The following WDR41 variants were observed in gnomAD, a reference collection of about 807,000 sequenced individuals.
WDR41 encodes WD repeat domain 41.
Under a neutral mutation model 69.3 loss-of-function variants are expected in WDR41, and 63 were observed. The observed-to-expected ratio is 0.91, with a 90% CI of 0.74 to 1.12. The LOEUF is 1.12. Ranked by LOEUF, WDR41 falls within the 50% of genes most tolerant of loss-of-function variation. The probability of loss-of-function intolerance (pLI) is 0.00; values close to 1 mark genes in which losing one functional copy is unlikely to be tolerated. For missense variants in WDR41, 543 were observed against 534.5 expected (o/e 1.02, Z -0.16); for synonymous variants, 185 against 192.1 (o/e 0.96, Z 0.31).
intron 1 of WDR41, chr5:77,582,515 G>A (rs1743958018): frequency 4.4e-6 from 7 of 1,599,084 alleles, no homozygotes; most frequent in African/African-American, 1.3e-5. Flanking sequence ...AAGGCAAGGA[G>A]GAAGCTTATC....
intron 1 of WDR41, among the ~76,000 whole-genome samples, chr5:77,528,691 A>T (rs1802483226): frequency 6.6e-6 from 1 of 151,766 alleles, no homozygotes; most frequent in African/African-American, 2.4e-5. Context: ...AATATGAGCA[A>T]GGCATGTTTA....
chr5:77,484,596 G>A (rs1243003549), intron 2 of WDR41, among the ~76,000 whole-genome samples: 1 of 152,112 alleles, frequency 6.6e-6, no homozygotes, highest in Non-Finnish European at 1.5e-5. Context: ...CCAGGCATAA[G>A]TACGTTAATA....
intron 2 of WDR41, among the ~76,000 whole-genome samples, chr5:77,469,919 T>C (rs1800496685): frequency 6.6e-6 from 1 of 151,782 alleles, no homozygotes; most frequent in Non-Finnish European, 1.5e-5. Context: ...ATTCAGGAAA[T>C]ACAGAGAACG....
intron 12 of WDR41, among the ~76,000 whole-genome samples, 164 bp from the exon 13 acceptor site, chr5:77,433,451 A>T (rs140688361): frequency 8.3e-4 from 126 of 152,324 alleles, no homozygotes; most frequent in African/African-American, 2.9e-3. Flanking sequence ...CATACAAATA[A>T]TATCTAATAT....
At chr5:77,541,420 C>T (rs1162439194) in intron 1 of WDR41, among the ~76,000 whole-genome samples, 4 of 150,422 alleles carry the variant, frequency 2.7e-5, no homozygotes, top group African/African-American at 9.8e-5. Flanking sequence ...TCATGTCAGT[C>T]ATAATGGCTA....
chr5:77,577,276 A>T (rs1469776908), intron 1 of WDR41, among the ~76,000 whole-genome samples: 1 of 152,078 alleles, frequency 6.6e-6, no homozygotes, highest in Non-Finnish European at 1.5e-5. Context: ...AAGATTTCCT[A>T]CAAAACAATA....
At chr5:77,527,287 A>G (rs1802463162) in intron 1 of WDR41, among the ~76,000 whole-genome samples, 1 of 151,978 alleles carries the variant, frequency 6.6e-6, no homozygotes, top group Non-Finnish European at 1.5e-5. Flanking sequence ...ATTAAAAGTG[A>G]AAGGAAAGAA....
At chr5:77,578,237 A>G (rs142093584) in intron 1 of WDR41, among the ~76,000 whole-genome samples, 101 of 152,340 alleles carry the variant, frequency 6.6e-4, no homozygotes, top group African/African-American at 2.3e-3. Flanking sequence ...AGAAAACAAT[A>G]GAGACATTAG....
chr5:77,489,597 C>CAAA (rs1801678246), intron 1 of WDR41, 25 bp from the exon 2 acceptor site: 1 of 1,213,534 alleles, frequency 8.2e-7, no homozygotes. Flanking sequence ...AAAAAAAAAG[C>CAAA]AAAAAACAAA....
chr5:77,468,748 C>G (rs554720384), intron 2 of WDR41, among the ~76,000 whole-genome samples: 1 of 152,094 alleles, frequency 6.6e-6, no homozygotes, highest in Admixed American at 6.5e-5. Context: ...AGTACAGGCA[C>G]CCCAGTGGTT....
At chr5:77,473,493 C>T (rs530665465) in intron 2 of WDR41, among the ~76,000 whole-genome samples, 3 of 152,304 alleles carry the variant, frequency 2.0e-5, no homozygotes, top group Admixed American at 6.5e-5. Flanking sequence ...AAACTACCAT[C>T]AGAGTGAACA....
intron 2 of WDR41, chr5:77,480,060 AAC>A (rs1404667879): frequency 6.6e-6 from 1 of 151,624 alleles, no homozygotes; most frequent in Admixed American, 6.6e-5. Flanking sequence ...GCAGCCAAAA[AAC>A]ACATGAAAAA....
At chr5:77,562,365 C>T (rs900513652) in intron 1 of WDR41, among the ~76,000 whole-genome samples, 6 of 152,044 alleles carry the variant, frequency 3.9e-5, no homozygotes, top group African/African-American at 1.4e-4. Context: ...ACAGACTTGG[C>T]GAAAATAAGA....
At chr5:77,512,355 A>AGTGTGTGT (rs111485869) in intron 1 of WDR41, among the ~76,000 whole-genome samples, 28 of 119,390 alleles carry the variant, frequency 2.3e-4, no homozygotes, top group Admixed American at 1.1e-3. Flanking sequence ...AGAGAGAGTG[A>AGTGTGTGT]GTGTGTGTGT....
At chr5:77,441,340 T>G (rs1414391150) in intron 8 of WDR41, among the ~76,000 whole-genome samples, 3 of 152,024 alleles carry the variant, frequency 2.0e-5, no homozygotes, top group Non-Finnish European at 4.4e-5. Context: ...TGAAAGTTAG[T>G]TAAAGGATGG....
At chr5:77,512,331 TGA>T (rs764631325) in intron 1 of WDR41, among the ~76,000 whole-genome samples, 53 of 87,718 alleles carry the variant, frequency 6.0e-4, no homozygotes, top group Non-Finnish European at 6.2e-4. Context: ...ATGGGGTGAG[TGA>T]GAGAGAGAGA....
intron 1 of WDR41, among the ~76,000 whole-genome samples, chr5:77,504,554 T>C (rs1581777114): frequency 6.6e-6 from 1 of 152,134 alleles, no homozygotes; most frequent in Non-Finnish European, 1.5e-5. Context: ...TACCAAAGCC[T>C]GGCAGAGACA....
chr5:77,607,863 T>A (rs1286037504), intron 1 of WDR41, among the ~76,000 whole-genome samples: 1 of 152,256 alleles, frequency 6.6e-6, no homozygotes, highest in Non-Finnish European at 1.5e-5. Flanking sequence ...ATATTTATAT[T>A]CTCTAATTCT....
At chr5:77,448,624 C>T (rs143730714) in intron 8 of WDR41, among the ~76,000 whole-genome samples, 2,866 of 152,150 alleles carry the variant, frequency 0.019, 84 homozygotes, top group Middle Eastern at 0.044. Context: ...AATCTCAGCA[C>T]TGTGGGAGGC....
Sources: allele counts gnomAD v4.1 joint callset (sites outside exome capture counted in the v4.1 genomes callset), GRCh38; gene constraint gnomAD v4.1.1; transcripts MANE v1.5; gene names NCBI Gene and HGNC (gene_info 2026-07-23, HGNC 2026-07-21).